The following EPB41L1 variants were observed in gnomAD, a reference collection of about 807,000 sequenced individuals.
EPB41L1 encodes the protein erythrocyte membrane protein band 4.1 like 1.
Under a neutral mutation model 97.8 loss-of-function variants are expected in EPB41L1, and 29 were observed. That is an observed-to-expected ratio of 0.30 (90% CI 0.22 to 0.40). The LOEUF (loss-of-function observed/expected upper bound fraction) is 0.40, where lower values mean the gene tolerates loss of function less well. EPB41L1 is among the 10% of genes least tolerant of loss of function. EPB41L1 has a pLI of 1.00. For synonymous variants in EPB41L1, 383 were observed against 459.2 expected, an observed-to-expected ratio of 0.83 and a Z score of 2.12; for missense variants, 812 against 1,162.3, an observed-to-expected ratio of 0.70 and a Z score of 4.38.
At chr20:36,156,743 T>C (rs915067958) in intron 1 of EPB41L1, among the ~76,000 whole-genome samples, 1 of 152,132 alleles carries the variant, frequency 6.6e-6, no homozygotes, top group Non-Finnish European at 1.5e-5. Flanking sequence ...GAAAGGGCCG[T>C]GGGTGGTCCT....
At chr20:36,098,994 C>T (rs559619330) in intron 1 of EPB41L1, among the ~76,000 whole-genome samples, 98 of 152,230 alleles carry the variant, frequency 6.4e-4, no homozygotes, top group African/African-American at 2.1e-3. Context: ...CATGGTGAAA[C>T]GCTGTCTCTA....
At chr20:36,136,594 T>C (rs1052636683) in intron 2 of EPB41L1, among the ~76,000 whole-genome samples, 1 of 151,872 alleles carries the variant, frequency 6.6e-6, no homozygotes, top group South Asian at 2.1e-4. Flanking sequence ...TCTTTCTTTT[T>C]TTTTTTTTAG....
At chr20:36,143,905 T>G (rs144264385) in intron 2 of EPB41L1, among the ~76,000 whole-genome samples, 92 of 152,104 alleles carry the variant, frequency 6.0e-4, no homozygotes, top group African/African-American at 2.0e-3. Flanking sequence ...CAGGCTGGAG[T>G]GCAGTGGCGC....
chr20:36,122,627 C>T (rs1267930002), intron 2 of EPB41L1: 1 of 152,398 alleles, frequency 6.6e-6, no homozygotes, highest in African/African-American at 2.4e-5. Context: ...TCCTTACCCC[C>T]ATACCCCCAA....
At chr20:36,107,527 T>TTA (rs944483142) in intron 1 of EPB41L1, among the ~76,000 whole-genome samples, 9 of 151,424 alleles carry the variant, frequency 5.9e-5, no homozygotes, top group Non-Finnish European at 1.2e-4. Context: ...CTTTTTTTTT[T>TTA]TTTTTTTAAA....
At chr20:36,203,937 G>A (rs1469056583) in intron 14 of EPB41L1, among the ~76,000 whole-genome samples, 1 of 152,108 alleles carries the variant, frequency 6.6e-6, no homozygotes, top group Admixed American at 6.5e-5. Flanking sequence ...TCCTCCCTGT[G>A]GGGTGGGATT....
At chr20:36,146,469 C>T (rs2059836388) in intron 2 of EPB41L1, among the ~76,000 whole-genome samples, 1 of 152,256 alleles carries the variant, frequency 6.6e-6, no homozygotes, top group South Asian at 2.1e-4. Context: ...CAGGAGCTGC[C>T]TAAGCAGAAG....
At chr20:36,177,582 C>T (rs570964119) in intron 3 of EPB41L1, among the ~76,000 whole-genome samples, 11 of 152,334 alleles carry the variant, frequency 7.2e-5, no homozygotes, top group Admixed American at 6.5e-4. Flanking sequence ...CCTCTCACAC[C>T]CAAAGCTTAG....
At chr20:36,204,798 T>C (rs1244048091) in intron 14 of EPB41L1, among the ~76,000 whole-genome samples, 1 of 151,936 alleles carries the variant, frequency 6.6e-6, no homozygotes, top group Non-Finnish European at 1.5e-5. Flanking sequence ...CATGCCACCA[T>C]GTCTGGCTAA....
chr20:36,201,118 T>C, intron 14 of EPB41L1: 1 of 381,324 alleles, frequency 2.6e-6, no homozygotes, highest in Middle Eastern at 4.0e-4. Flanking sequence ...TAACCCATGC[T>C]GTCTCCATGC....
intron 1 of EPB41L1, among the ~76,000 whole-genome samples, chr20:36,098,524 T>C (rs1411183221): frequency 6.6e-6 from 1 of 152,234 alleles, no homozygotes; most frequent in African/African-American, 2.4e-5. Flanking sequence ...GGCTTGCAGC[T>C]GCATCTGCCT....
At chr20:36,208,594 G>C (rs2062958585) in intron 14 of EPB41L1, among the ~76,000 whole-genome samples, 1 of 152,230 alleles carries the variant, frequency 6.6e-6, no homozygotes, top group Non-Finnish European at 1.5e-5. Flanking sequence ...CGCTTAGCAA[G>C]TGAATGTCTA....
At position 36,207,786 on chromosome 20, in the gene EPB41L1, T is replaced by A. The variant is rs1331513130; in HGVS notation, c.1669-1702T>A. 7.8e-7 allele frequency: 1 copy of A among 1,286,480 alleles called. No individual in the cohort carries two copies. Among genetic ancestry groups the A allele is most frequent in the Admixed American group, 2.3e-5 (1 of 43,488 alleles). 79.7% of individuals were successfully genotyped at this position (1,286,480 alleles called of 1,614,324 possible). ...CAGAAGCTACTGGAACTGGGGTAACTGGCCGCGTGAGCCCCCGCCCCCACC... is the reference window on the plus strand; with the variant it reads ...CAGAAGCTACTGGAACTGGGGTAACAGGCCGCGTGAGCCCCCGCCCCCACC... On this transcript the variant is annotated intron_variant, in intron 14 of 21. Transcript: ENST00000338074. This position sits in a 1 kb window ranked among gnomAD's most constrained non-coding sequence, Gnocchi z 4.9.
chr20:36,154,737 T>C (rs1015371146), upstream of EPB41L1: 1 of 986,132 alleles, frequency 1.0e-6, no homozygotes, highest in Non-Finnish European at 1.2e-6. The surrounding 1 kb of genome is among the most constrained non-coding windows in gnomAD (Gnocchi z 5.5). Flanking sequence ...CCGCCGCTGC[T>C]GCAGTCGGCA....
intron 14 of EPB41L1, among the ~76,000 whole-genome samples, chr20:36,204,145 T>G (rs967831972): frequency 6.6e-6 from 1 of 152,184 alleles, no homozygotes; most frequent in Non-Finnish European, 1.5e-5. Flanking sequence ...CTGTATGGCC[T>G]TGGGCAAGAT....
intron 2 of EPB41L1, among the ~76,000 whole-genome samples, chr20:36,124,156 GA>G (rs1454008291): frequency 6.6e-6 from 1 of 152,190 alleles, no homozygotes; most frequent in East Asian, 1.9e-4. Context: ...TCGGGAGGCT[GA>G]GGCAGGAGAA....
chr20:36,156,777 G>A (rs968317654), intron 1 of EPB41L1, among the ~76,000 whole-genome samples: 1 of 152,212 alleles, frequency 6.6e-6, no homozygotes, highest in Admixed American at 6.5e-5. Flanking sequence ...AGTGCATAGA[G>A]CTGAGAGGAT....
At chr20:36,147,229 T>C (rs2059875140) in intron 2 of EPB41L1, among the ~76,000 whole-genome samples, 1 of 152,008 alleles carries the variant, frequency 6.6e-6, no homozygotes, top group Non-Finnish European at 1.5e-5. Flanking sequence ...ATCCTAAGAG[T>C]ATTTTACATC....
At chr20:36,139,454 A>G (rs148587721) in intron 2 of EPB41L1, among the ~76,000 whole-genome samples, 133 of 152,342 alleles carry the variant, frequency 8.7e-4, no homozygotes, top group Admixed American at 2.0e-3. Context: ...GCAAAATTTC[A>G]AACATACATA....
Sources: gnomAD v4.1 joint callset for allele counts (sites outside exome capture counted in the v4.1 genomes callset) on GRCh38, gnomAD v4.1.1 for gene constraint, Gnocchi (gnomAD v3.1) non-coding constraint, MANE v1.5 for transcripts, NCBI Gene and HGNC (gene_info 2026-07-23, HGNC 2026-07-21) for gene names.